PTPRD: variants seen among roughly 807,000 people sequenced by gnomAD.
PTPRD encodes receptor-type tyrosine-protein phosphatase delta.
A neutral mutation model predicts 214.5 loss-of-function variants in PTPRD; 34 were observed. That is an observed-to-expected ratio of 0.16 (90% CI 0.12 to 0.21). The LOEUF is 0.21. PTPRD is among the 10% of genes least tolerant of loss of function. The probability of loss-of-function intolerance (pLI) is 1.00; values close to 1 mark genes in which losing one functional copy is unlikely to be tolerated. For missense variants in PTPRD, 2,545 were observed against 2,398.7 expected (o/e 1.06, Z -1.27); for synonymous variants, 1,128 against 845.7 (o/e 1.33, Z -5.79).
intron 9 of PTPRD, among the ~76,000 whole-genome samples, chr9:9,337,124 A>T (rs955036632): frequency 6.6e-6 from 1 of 152,156 alleles, no homozygotes; most frequent in Non-Finnish European, 1.5e-5. Context: ...CCAACCTTGG[A>T]AACAGGGAAA....
intron 29 of PTPRD, among the ~76,000 whole-genome samples, chr9:8,485,019 C>G (rs1443799753): frequency 6.6e-6 from 1 of 152,092 alleles, no homozygotes; most frequent in Non-Finnish European, 1.5e-5. Context: ...TGATGCCAGC[C>G]CTGGATTTAA....
intron 7 of PTPRD, among the ~76,000 whole-genome samples, chr9:9,640,251 G>T (rs2095894507): frequency 6.6e-6 from 1 of 152,120 alleles, no homozygotes. Flanking sequence ...GGTGCAATGT[G>T]ATTTTTGCTT....
intron 2 of PTPRD, among the ~76,000 whole-genome samples, chr9:10,493,896 T>G (rs1589402688): frequency 6.6e-6 from 1 of 152,082 alleles, no homozygotes; most frequent in East Asian, 1.9e-4. Context: ...TTAAGTTACA[T>G]GAACTAATAC....
chr9:8,978,416 C>T (rs1200212638), intron 11 of PTPRD, among the ~76,000 whole-genome samples: 4 of 152,084 alleles, frequency 2.6e-5, no homozygotes, highest in African/African-American at 9.7e-5. Context: ...ACATATTGGG[C>T]TCTCAATAAA....
chr9:9,153,489 T>G (rs1432280696), intron 10 of PTPRD, among the ~76,000 whole-genome samples: 1 of 152,182 alleles, frequency 6.6e-6, no homozygotes, highest in African/African-American at 2.4e-5. Context: ...ATAAAAATTA[T>G]GAAATTTATA....
At chr9:8,750,567 T>C (rs983322144) in intron 11 of PTPRD, among the ~76,000 whole-genome samples, 21 of 152,042 alleles carry the variant, frequency 1.4e-4, no homozygotes, top group Non-Finnish European at 7.4e-5. Flanking sequence ...GACTTTAGAA[T>C]AGGGTGACAG....
chr9:8,738,254 A>G (rs781232216), intron 11 of PTPRD, among the ~76,000 whole-genome samples: 4 of 152,232 alleles, frequency 2.6e-5, no homozygotes, highest in Non-Finnish European at 4.4e-5. Context: ...TCAAGCGATC[A>G]CATAAAGTGA....
intron 4 of PTPRD, among the ~76,000 whole-genome samples, chr9:10,031,616 A>T (rs1419238782): frequency 7.7e-6 from 1 of 129,454 alleles, no homozygotes; most frequent in Non-Finnish European, 1.5e-5. Context: ...AATAATACTT[A>T]AAAAACTCCA....
intron 14 of PTPRD, among the ~76,000 whole-genome samples, chr9:8,530,626 G>C (rs946486295): frequency 6.6e-6 from 1 of 152,006 alleles, no homozygotes; most frequent in African/African-American, 2.4e-5. Flanking sequence ...GATTTTAAGA[G>C]AAACTCCACT....
chr9:8,753,481 T>C (rs2093709660), intron 11 of PTPRD, among the ~76,000 whole-genome samples: 1 of 152,202 alleles, frequency 6.6e-6, no homozygotes, highest in Non-Finnish European at 1.5e-5. Context: ...AATGATATTT[T>C]GAACAATCTG....
At chr9:8,338,092 TTGGAGAAAGC>T (rs1386543427) in intron 43 of PTPRD, among the ~76,000 whole-genome samples, 3 of 152,062 alleles carry the variant, frequency 2.0e-5, no homozygotes, top group Non-Finnish European at 4.4e-5. Context: ...AAACCTAAGT[TTGGAGAAAGC>T]TGCTTTCCAG....
intron 11 of PTPRD, among the ~76,000 whole-genome samples, chr9:8,768,080 T>C (rs2094900978): frequency 6.6e-6 from 1 of 152,174 alleles, no homozygotes; most frequent in Non-Finnish European, 1.5e-5. Context: ...TTGTTACTAT[T>C]TGGCCTGAAT....
At chr9:10,243,614 C>A (rs2091538446) in intron 3 of PTPRD, among the ~76,000 whole-genome samples, 1 of 151,908 alleles carries the variant, frequency 6.6e-6, no homozygotes. Flanking sequence ...TCTGAAATCC[C>A]ATTGGGATAC....
chr9:8,906,190 C>T (rs761949603), intron 11 of PTPRD, among the ~76,000 whole-genome samples: 1 of 152,230 alleles, frequency 6.6e-6, no homozygotes, highest in South Asian at 2.1e-4. Context: ...CTTTTGAGTG[C>T]CATTAAAACA....
intron 7 of PTPRD, among the ~76,000 whole-genome samples, chr9:9,681,543 C>G (rs887597476): frequency 1.3e-5 from 2 of 151,646 alleles, no homozygotes; most frequent in Non-Finnish European, 2.9e-5. Flanking sequence ...CAGTATGACC[C>G]CACCTATCAG....
At chr9:9,064,955 T>G (rs2099723480) in intron 10 of PTPRD, among the ~76,000 whole-genome samples, 1 of 152,212 alleles carries the variant, frequency 6.6e-6, no homozygotes, top group African/African-American at 2.4e-5. Context: ...GTCATTGAAT[T>G]TCCTGTCCTC....
chr9:10,590,740 C>T (rs1051124190), intron 2 of PTPRD, among the ~76,000 whole-genome samples: 1 of 151,790 alleles, frequency 6.6e-6, no homozygotes, highest in Non-Finnish European at 1.5e-5. Context: ...GCAGTCTCCT[C>T]CTCTATACAG....
At chr9:9,159,549 A>C (rs1342581209) in intron 10 of PTPRD, among the ~76,000 whole-genome samples, 2 of 152,134 alleles carry the variant, frequency 1.3e-5, no homozygotes, top group African/African-American at 2.4e-5. Context: ...TGAAGAAAGA[A>C]AGAAAAGAAA....
chr9:8,573,200 A>C lies in PTPRD; in HGVS notation c.353-44421T>G, dbSNP rs75005265. Among the ~76,000 whole-genome samples, 774 of 152,132 alleles carry C rather than the reference A, an allele frequency of 5.1e-3. 4 individuals are homozygous for C. Among genetic ancestry groups the C allele is most frequent in the Middle Eastern group, 0.02 (6 of 294 alleles). ...GACAACTCAGTGCTGCCATTTTAAC[A>C]TGTGCTGATAATACGTTCCAAAAAT... On this transcript the variant is annotated intron_variant, in intron 14 of 45. Coordinates refer to ENST00000381196, the MANE Select transcript of PTPRD (RefSeq NM_002839.4).
Sources: gnomAD v4.1 joint callset for allele counts (sites outside exome capture counted in the v4.1 genomes callset) on GRCh38, gnomAD v4.1.1 for gene constraint, MANE v1.5 for transcripts, NCBI Gene and HGNC (gene_info 2026-07-23, HGNC 2026-07-21) for gene names.